Variants in KCTD8 observed in about 807,000 individuals in gnomAD.
KCTD8 encodes potassium channel tetramerization domain containing 8.
In KCTD8, 27 loss-of-function variants were observed where a neutral mutation model predicts 31.5. The ratio of observed to expected loss-of-function variants is 0.86; its 90% CI spans 0.63 to 1.18. The LOEUF (loss-of-function observed/expected upper bound fraction) is 1.18, where lower values mean the gene tolerates loss of function less well. Ranked by LOEUF, KCTD8 falls within the 50% of genes most tolerant of loss-of-function variation. The pLI is 0.00. For missense variants in KCTD8, 658 were observed against 647.7 expected (o/e 1.02, Z -0.17); for synonymous variants, 290 against 280.0 (o/e 1.04, Z -0.36).
At chr4:44,387,526 T>A (rs556117768) in intron 1 of KCTD8, among the ~76,000 whole-genome samples, 1 of 151,692 alleles carries the variant, frequency 6.6e-6, no homozygotes, top group African/African-American at 2.4e-5. Context: ...AACAGACACA[T>A]AGAACAATGA....
chr4:44,303,869 A>C lies in KCTD8; in HGVS notation c.962-128619T>G, dbSNP rs566916776. 3.3e-5 allele frequency among the ~76,000 whole-genome samples: 5 copies of C among 152,240 alleles called. No individual in the cohort carries two copies. The South Asian group carries it at 1.0e-3, about 32-fold the overall frequency. ...TTTTAACATTTTCTAAAATTGGCTA[A>C]AAGAAAGCAAGCATTCTTTAAATTA... On this transcript the variant is annotated intron_variant, in intron 1 of 1. Coordinates refer to ENST00000360029, the MANE Select transcript of KCTD8 (RefSeq NM_198353.3).
At chr4:44,231,325 T>C (rs539914227) in intron 1 of KCTD8, among the ~76,000 whole-genome samples, 2 of 152,290 alleles carry the variant, frequency 1.3e-5, no homozygotes, top group Non-Finnish European at 2.9e-5. Flanking sequence ...GAAAATCAAT[T>C]CAGAATGCTA....
At position 44,320,070 on chromosome 4, in the gene KCTD8, G is replaced by T. The variant is rs191937461; in HGVS notation, c.961+127493C>A. Among the ~76,000 whole-genome samples the T allele has an allele frequency of 3.4e-4, 51 of 149,724 alleles. No individual in the cohort carries two copies. In the East Asian group the frequency reaches 0.01, roughly 30 times the overall value. On this transcript the variant is annotated intron_variant, in intron 1 of 1. Coordinates refer to ENST00000360029, the MANE Select transcript of KCTD8 (RefSeq NM_198353.3). The stretch of plus-strand genomic sequence containing the variant: ...ACCTGTAATTCCAGGTACTTGGGAG[G>T]CTGAGGCAGGAGAATCACTTGAACC...
intron 1 of KCTD8, among the ~76,000 whole-genome samples, chr4:44,233,716 T>A (rs942696547): frequency 1.3e-5 from 2 of 152,292 alleles, no homozygotes; most frequent in African/African-American, 4.8e-5. Flanking sequence ...ATGAATATAA[T>A]TTACCACAAG....
intron 1 of KCTD8, among the ~76,000 whole-genome samples, chr4:44,310,645 C>T (rs186792806): frequency 2.5e-4 from 38 of 152,112 alleles, no homozygotes; most frequent in Admixed American, 5.9e-4. Context: ...CTACAAGAAC[C>T]AATGATCAGA....
At chr4:44,349,502 C>T (rs946511999) in intron 1 of KCTD8, among the ~76,000 whole-genome samples, 3 of 152,066 alleles carry the variant, frequency 2.0e-5, no homozygotes, top group Non-Finnish European at 4.4e-5. Context: ...GAGAGCTGTC[C>T]CAGAATAAAG....
At chr4:44,370,184 C>T (rs1719745233) in intron 1 of KCTD8, among the ~76,000 whole-genome samples, 1 of 152,158 alleles carries the variant, frequency 6.6e-6, no homozygotes. Flanking sequence ...TCCAATCCTG[C>T]TTTCTCCTAC....
intron 1 of KCTD8, among the ~76,000 whole-genome samples, chr4:44,237,157 C>T (rs1715316202): frequency 6.6e-6 from 1 of 152,076 alleles, no homozygotes; most frequent in Admixed American, 6.5e-5. Flanking sequence ...TTCACCACAT[C>T]CCTTGTTTCT....
intron 1 of KCTD8, among the ~76,000 whole-genome samples, chr4:44,431,366 T>A (rs1721498000): frequency 2.6e-5 from 4 of 151,698 alleles, no homozygotes; most frequent in Non-Finnish European, 5.9e-5. Context: ...TCTTTAATAT[T>A]TGCTATTATC....
chr4:44,266,720 CA>C (rs1213677148), intron 1 of KCTD8, among the ~76,000 whole-genome samples: 1 of 151,108 alleles, frequency 6.6e-6, no homozygotes, highest in African/African-American at 2.4e-5. Flanking sequence ...AAATGGAAAA[CA>C]AAAAAAGGCA....
In KCTD8 at chr4:44,442,417, T is replaced by C. The variant is rs946486591; in HGVS notation, c.961+5146A>G. On this transcript the variant is annotated intron_variant, in intron 1 of 1. Transcript: ENST00000360029. ...GCCTGTCCAACACGGTGAAACCCCA[T>C]CTCTACTAAAAATACAAAAATTAGC... 1.4e-4 allele frequency among the ~76,000 whole-genome samples: 22 copies of C among 151,988 alleles called. 1 individual carries two copies. Among genetic ancestry groups the C allele is most frequent in the African/African-American group, 4.4e-4 (18 of 41,358 alleles).
intron 1 of KCTD8, among the ~76,000 whole-genome samples, chr4:44,211,655 T>C (rs886509964): frequency 2.6e-5 from 4 of 152,142 alleles, no homozygotes; most frequent in African/African-American, 9.7e-5. Flanking sequence ...CTGGTCGACA[T>C]ATACAAGAAT....
At chr4:44,218,534 G>A (rs1212023933) in intron 1 of KCTD8, among the ~76,000 whole-genome samples, 2 of 150,274 alleles carry the variant, frequency 1.3e-5, no homozygotes, top group Non-Finnish European at 3.0e-5. Flanking sequence ...CACATTGCAT[G>A]CCTGTATCAA....
Position 44,237,891 on chromosome 4 carries a change from G to A in KCTD8, c.962-62641C>T, listed in dbSNP as rs527244500. 5.3e-5 allele frequency among the ~76,000 whole-genome samples: 8 copies of A among 152,192 alleles called. 1 individual carries two copies. The highest frequency in any genetic ancestry group is 1.7e-4 in the African/African-American group (7 of 41,514). On this transcript the variant is annotated intron_variant, in intron 1 of 1. Transcript: ENST00000360029. ...AAACAGAAACCAGTGACACAGCTGA[G>A]GTTCAAATTTCAGTTTCCATTAATG...
chr4:44,290,301 C>A (rs1560416640), intron 1 of KCTD8, among the ~76,000 whole-genome samples: 1 of 152,132 alleles, frequency 6.6e-6, no homozygotes, highest in South Asian at 2.1e-4. Flanking sequence ...CATTAGTGCA[C>A]CCAGATTCAT....
At chr4:44,261,752 A>G (rs2109365916) in intron 1 of KCTD8, among the ~76,000 whole-genome samples, 1 of 152,094 alleles carries the variant, frequency 6.6e-6, no homozygotes, top group South Asian at 2.1e-4. Context: ...CCTATCACAA[A>G]TGGCAGGATT....
intron 1 of KCTD8, among the ~76,000 whole-genome samples, chr4:44,228,592 G>A (rs1715031192): frequency 6.6e-6 from 1 of 152,096 alleles, no homozygotes; most frequent in African/African-American, 2.4e-5. Context: ...TTTGCAAAAG[G>A]CAAAACTGCT....
chr4:44,408,135 A>C (rs1301773934), intron 1 of KCTD8, among the ~76,000 whole-genome samples: 1 of 152,214 alleles, frequency 6.6e-6, no homozygotes, highest in Non-Finnish European at 1.5e-5. Context: ...AGACAAGTTA[A>C]ATCCTTGAAC....
chr4:44,378,972 C>G (rs1433079060), intron 1 of KCTD8, among the ~76,000 whole-genome samples: 1 of 152,112 alleles, frequency 6.6e-6, no homozygotes, highest in African/African-American at 2.4e-5. Context: ...TATTCCTTAG[C>G]TCATGACCCC....
Sources: gnomAD v4.1 joint callset for allele counts (sites outside exome capture counted in the v4.1 genomes callset) on GRCh38, gnomAD v4.1.1 for gene constraint, MANE v1.5 for transcripts, NCBI Gene and HGNC (gene_info 2026-07-23, HGNC 2026-07-21) for gene names.